Variants in HS6ST3 observed in about 807,000 individuals in gnomAD.
HS6ST3 encodes the protein heparan sulfate 6-O-sulfotransferase 3, also known as heparan-sulfate 6-O-sulfotransferase 3.
HS6ST3 carries 12 observed loss-of-function variants against 36.7 expected under a neutral mutation model. The observed-to-expected ratio is 0.33, with a 90% confidence interval of 0.21 to 0.53. HS6ST3 has a LOEUF of 0.53. Ranked by LOEUF, HS6ST3 falls within the 20% of genes least tolerant of loss-of-function variation. HS6ST3 has a pLI of 0.95. For synonymous variants in HS6ST3, 240 were observed against 257.5 expected (o/e 0.93, Z 0.65); for missense variants, 584 against 640.9 (o/e 0.91, Z 0.96).
rs143706987 is a variant in HS6ST3, at chr13:96,628,827, A to ATG, written c.708-203647_708-203646dup. 1.7e-3 allele frequency among the ~76,000 whole-genome samples: 258 copies of ATG among 149,698 alleles called. 1 individual carries two copies. Among genetic ancestry groups the ATG allele is most frequent in the African/African-American group, 5.0e-3 (205 of 40,896 alleles). ...TTATATGTTCAGAATGTGTGTGTGC[A>ATG]TGTGTGTGTGTGTGTGTTGTTTAAG... On this transcript the variant is annotated intron_variant, in intron 1 of 1. Coordinates refer to ENST00000376705, the MANE Select transcript of HS6ST3 (RefSeq NM_153456.4).
intron 1 of HS6ST3, among the ~76,000 whole-genome samples, chr13:96,271,255 C>A (rs1205019613): frequency 1.3e-5 from 2 of 151,786 alleles, no homozygotes; most frequent in Non-Finnish European, 2.9e-5. Flanking sequence ...CATACAGATG[C>A]AAATATGTGT....
intron 1 of HS6ST3, among the ~76,000 whole-genome samples, chr13:96,758,312 C>G (rs550679960): frequency 6.6e-6 from 1 of 151,908 alleles, no homozygotes; most frequent in South Asian, 2.1e-4. Context: ...CTCTCTTTTT[C>G]CATGATTGAT....
chr13:96,168,372 TAG>T (rs1198393528), intron 1 of HS6ST3, among the ~76,000 whole-genome samples: 2 of 152,282 alleles, frequency 1.3e-5, no homozygotes, highest in East Asian at 3.9e-4. Flanking sequence ...TTGTTTTATA[TAG>T]GTTGCCTATA....
chr13:96,734,991 T>C (rs763014773), intron 1 of HS6ST3, among the ~76,000 whole-genome samples: 2 of 152,142 alleles, frequency 1.3e-5, no homozygotes, highest in Non-Finnish European at 1.5e-5. Flanking sequence ...CCCCAAAAGC[T>C]GATGGTTGAG....
At chr13:96,111,852 G>A (rs376921089) in intron 1 of HS6ST3, among the ~76,000 whole-genome samples, 1 of 152,084 alleles carries the variant, frequency 6.6e-6, no homozygotes, top group Admixed American at 6.5e-5. Context: ...GATAAATTGA[G>A]GCTTGAATGA....
rs530475796 is a variant in HS6ST3 at position 96,379,927 on chromosome 13, G to A, written c.707+288358G>A. 7.4e-4 allele frequency among the ~76,000 whole-genome samples: 113 copies of A among 151,990 alleles called. No homozygotes were observed. The Middle Eastern group carries it at 0.01, about 14-fold the overall frequency. ...TCTTTTTTTCAGAAGTGAATCAAGA[G>A]GAAAAAAGGAAGAAATTCTAAAACC... On this transcript the variant is annotated intron_variant, in intron 1 of 1. Transcript: ENST00000376705.
At chr13:96,151,199 T>G in intron 1 of HS6ST3, among the ~76,000 whole-genome samples, 1 of 151,762 alleles carries the variant, frequency 6.6e-6, no homozygotes, top group African/African-American at 2.4e-5. Context: ...AGGTCAGGAG[T>G]TTGAGATCAG....
chr13:96,347,671 A>T (rs2055162153), intron 1 of HS6ST3, among the ~76,000 whole-genome samples: 1 of 152,236 alleles, frequency 6.6e-6, no homozygotes, highest in South Asian at 2.1e-4. Flanking sequence ...CTTATAATTC[A>T]GAGGAACAGA....
intron 1 of HS6ST3, among the ~76,000 whole-genome samples, chr13:96,429,206 T>G (rs601674): frequency 0.68 from 103,966 of 152,094 alleles, 37,185 homozygotes; most frequent in African/African-American, 0.9. Flanking sequence ...CAGCTTTTAA[T>G]TAAACAGGCT....
chr13:96,527,725 G>A (rs1480362034), intron 1 of HS6ST3, among the ~76,000 whole-genome samples: 1 of 152,178 alleles, frequency 6.6e-6, no homozygotes, highest in African/African-American at 2.4e-5. Flanking sequence ...GAGTCCCTGA[G>A]GCAGGCACAA....
At chr13:96,438,237 T>C (rs1175104227) in intron 1 of HS6ST3, among the ~76,000 whole-genome samples, 1 of 152,228 alleles carries the variant, frequency 6.6e-6, no homozygotes, top group Non-Finnish European at 1.5e-5. Context: ...TGTAATAATT[T>C]GATGTCCTTT....
rs1447274851 is a variant in HS6ST3, at chr13:96,187,596, A to G, written c.707+96027A>G. ...ATTAGGTTATAGAATAGGTTCTGGC[A>G]CTTGAATATTGGCTGTAGACTGCTG... On this transcript the variant is annotated intron_variant, in intron 1 of 1. Transcript: ENST00000376705. Among the ~76,000 whole-genome samples, 3 of 152,282 alleles carry G rather than the reference A, an allele frequency of 2.0e-5. No individual in the cohort carries two copies. The East Asian group carries it at 5.8e-4, about 29-fold the overall frequency.
intron 1 of HS6ST3, among the ~76,000 whole-genome samples, chr13:96,632,565 A>T (rs1566416196): frequency 6.6e-6 from 1 of 152,176 alleles, no homozygotes; most frequent in Non-Finnish European, 1.5e-5. Context: ...GTTCCAAAGC[A>T]GCAACCCTTG....
chr13:96,305,198 C>T (rs2054906368), intron 1 of HS6ST3, among the ~76,000 whole-genome samples: 1 of 152,000 alleles, frequency 6.6e-6, no homozygotes, highest in Non-Finnish European at 1.5e-5. Flanking sequence ...TAGGGAAATA[C>T]TATTGACAAT....
At chr13:96,254,753 A>C (rs2054628859) in intron 1 of HS6ST3, among the ~76,000 whole-genome samples, 1 of 152,002 alleles carries the variant, frequency 6.6e-6, no homozygotes, top group Non-Finnish European at 1.5e-5. Context: ...AGAAGCTCAG[A>C]AACAGTCTAG....
intron 1 of HS6ST3, among the ~76,000 whole-genome samples, chr13:96,597,626 C>T (rs2056406592): frequency 6.6e-6 from 1 of 151,806 alleles, no homozygotes; most frequent in African/African-American, 2.4e-5. Context: ...TTTCTCCCAT[C>T]CCATAGGGTG....
chr13:96,339,031 A>G (rs1229392647), intron 1 of HS6ST3, among the ~76,000 whole-genome samples: 1 of 152,078 alleles, frequency 6.6e-6, no homozygotes. Context: ...ACGTTGGGAT[A>G]TAGATGTTGT....
intron 1 of HS6ST3, among the ~76,000 whole-genome samples, chr13:96,197,521 A>G (rs766893103): frequency 2.0e-5 from 3 of 152,156 alleles, no homozygotes; most frequent in Admixed American, 6.5e-5. Context: ...TGCCTTCCCA[A>G]CAGTCCCCCA....
intron 1 of HS6ST3, among the ~76,000 whole-genome samples, chr13:96,566,119 A>T (rs1373619898): frequency 6.6e-6 from 1 of 152,112 alleles, no homozygotes; most frequent in African/African-American, 2.4e-5. Context: ...TGAAAAAAAA[A>T]AGTTTCAATG....
Sources: allele counts gnomAD v4.1 joint callset (sites outside exome capture counted in the v4.1 genomes callset), GRCh38; gene constraint gnomAD v4.1.1; transcripts MANE v1.5; gene names NCBI Gene and HGNC (gene_info 2026-07-23, HGNC 2026-07-21).